Variants in PLS3 observed in about 807,000 individuals in gnomAD.
PLS3 encodes plastin 3.
PLS3 carries 11 observed loss-of-function variants against 46.5 expected under a neutral mutation model. That is an observed-to-expected ratio of 0.24 (90% confidence interval 0.15 to 0.39). The LOEUF (loss-of-function observed/expected upper bound fraction) is 0.39, where lower values mean the gene tolerates loss of function less well. PLS3 is among the 10% of genes least tolerant of loss of function. PLS3 has a pLI of 1.00. For missense variants in PLS3, 308 were observed against 461.8 expected (o/e 0.67, Z 3.05); for synonymous variants, 167 against 162.2 (o/e 1.03, Z -0.22).
chrX:115,645,482 A>AAAAAAGAAAGGT (rs2074942152), intron 11 of PLS3, among the ~76,000 whole-genome samples: 3 of 110,710 alleles, frequency 2.7e-5, no homozygotes. Context: ...TAAGAGGGAA[A>AAAAAAGAAAGGT]AAAAAAGAAA....
At chrX:115,573,816 G>A (rs782206672) in intron 1 of PLS3, among the ~76,000 whole-genome samples, 1 of 110,751 alleles carries the variant, frequency 9.0e-6, no homozygotes, top group Non-Finnish European at 1.9e-5. Context: ...CAATTCTCCC[G>A]CCTCAGCCTC....
At chrX:115,627,863 T>C (rs782437326) in intron 3 of PLS3, among the ~76,000 whole-genome samples, 10 of 112,197 alleles carry the variant, frequency 8.9e-5, no homozygotes, top group African/African-American at 2.6e-4. Context: ...TTTTGTAAAA[T>C]TTAAGTGCTT....
chrX:115,649,438 G>A lies in PLS3; in HGVS notation c.1770G>A (p.Val590=). 1 of 1,206,298 alleles carries A rather than the reference G, an allele frequency of 8.3e-7. No homozygotes were observed. The highest frequency in any genetic ancestry group is 1.1e-6 in the Non-Finnish European group (1 of 891,802). Residue 590 remains valine (V), a synonymous_variant, in exon 16 of 16, where the codon GTG becomes GTA. Coordinates refer to ENST00000355899, the MANE Select transcript of PLS3 (RefSeq NM_005032.7). ...DDKHNNAKYA[V]SMARRIGARV... Reference sequence around the variant, plus strand: ...TTTCCCCCTAAAATAGGTATGCAGTGTCAATGGCTAGAAGAATCGGAGCCA... The same window carrying A: ...TTTCCCCCTAAAATAGGTATGCAGTATCAATGGCTAGAAGAATCGGAGCCA...
rs1344874001 is a variant in PLS3 at position 115,619,492 on chromosome X, C to G, written c.74-2754C>G. The stretch of plus-strand genomic sequence containing the variant: ...TTTTGCCTCAGTGCCATGGGGATTA[C>G]TTTGTTCTTTTTAGCAACTGCAGAC... On this transcript the variant is annotated intron_variant, in intron 2 of 15. Coordinates refer to ENST00000355899, the MANE Select transcript of PLS3 (RefSeq NM_005032.7). Among the ~76,000 whole-genome samples, 35 of 112,311 alleles carry G rather than the reference C, an allele frequency of 3.1e-4. No individual in the cohort carries two copies. The Admixed American group carries it at 3.3e-3, about 11-fold the overall frequency.
chrX:115,595,496 G>A (rs187791234), intron 1 of PLS3, among the ~76,000 whole-genome samples: 1 of 109,935 alleles, frequency 9.1e-6, no homozygotes, highest in Non-Finnish European at 1.9e-5. Flanking sequence ...AGGGAAGGAG[G>A]GAGGGAGAAG....
rs182340809 is a variant in PLS3 at position 115,622,815 on chromosome X, A to G, written c.237+406A>G. On this transcript the variant is annotated intron_variant, in intron 3 of 15. Coordinates refer to ENST00000355899, the MANE Select transcript of PLS3 (RefSeq NM_005032.7). Reference sequence around the variant, plus strand: ...CAGTCTCGGAAGCTTCCTGAGCTGAACTTTCTCATTAAAAAGTTGTTTTCC... The same window carrying G: ...CAGTCTCGGAAGCTTCCTGAGCTGAGCTTTCTCATTAAAAAGTTGTTTTCC... 8.1e-5 allele frequency among the ~76,000 whole-genome samples: 9 copies of G among 111,561 alleles called. No individual in the cohort carries two copies. In the East Asian group the frequency reaches 2.3e-3, roughly 28 times the overall value.
At chrX:115,639,981 T>C in intron 8 of PLS3, 1 of 465,347 alleles carries the variant, frequency 2.1e-6, no homozygotes, top group Non-Finnish European at 3.7e-6. Flanking sequence ...ACATAGCTAA[T>C]CTCTTCTTCG....
Position 115,611,942 on chromosome X carries a change from C to T in PLS3, c.73+1619C>T, listed in dbSNP as rs5987755. Among the ~76,000 whole-genome samples, 386 of 111,293 alleles carry T rather than the reference C, an allele frequency of 3.5e-3. 1 individual carries two copies. Among genetic ancestry groups the T allele is most frequent in the Middle Eastern group, 0.014 (3 of 216 alleles). ...TTGTTTAAGTAGAGTTTAAGATAGG[C>T]GTACAGTTTGCCAAAGCCCCTGCCA... is the stretch of plus-strand genomic sequence containing the variant. On this transcript the variant is annotated intron_variant, in intron 2 of 15. Transcript: ENST00000355899.
intron 2 of PLS3, among the ~76,000 whole-genome samples, chrX:115,621,143 A>G (rs1451374004): frequency 6.4e-5 from 7 of 110,075 alleles, no homozygotes; most frequent in Admixed American, 5.8e-4. Flanking sequence ...CCTCCCGAGT[A>G]GCTGAGATTA....
chrX:115,620,706 C>CTTTTTTTTTTTTTTTTTTTT (rs1176959674), intron 2 of PLS3, among the ~76,000 whole-genome samples: 3 of 54,732 alleles, frequency 5.5e-5, no homozygotes, highest in Admixed American at 2.6e-4. Flanking sequence ...TTTTTCTTTT[C>CTTTTTTTTTTTTTTTTTTTT]TTTTTTTTTT....
chrX:115,595,692 T>C (rs1227029495), intron 1 of PLS3, among the ~76,000 whole-genome samples: 102 of 96,240 alleles, frequency 1.1e-3, no homozygotes, highest in African/African-American at 3.8e-3. Flanking sequence ...TCTTTCTTTT[T>C]TTTTTTTTTT....
At chrX:115,577,982 C>T (rs991058493) in intron 1 of PLS3, among the ~76,000 whole-genome samples, 5 of 111,711 alleles carry the variant, frequency 4.5e-5, no homozygotes, top group African/African-American at 1.6e-4. Context: ...CAAAAATCAC[C>T]GTCTTTATGA....
rs782353973 is a variant in PLS3, at chrX:115,621,816, A to G, written c.74-430A>G. ...AGGTGTACTTTGAAACAGAATCAGC[A>G]TTAAGTTCATATAAGTTCTTTTTGG... On this transcript the variant is annotated intron_variant, in intron 2 of 15. Transcript: ENST00000355899. 6.2e-5 allele frequency among the ~76,000 whole-genome samples: 7 copies of G among 112,277 alleles called. No individual in the cohort carries two copies. In the South Asian group the frequency reaches 2.6e-3, roughly 42 times the overall value.
intron 1 of PLS3, among the ~76,000 whole-genome samples, chrX:115,568,831 C>G (rs185988849): frequency 2.6e-3 from 288 of 111,615 alleles, no homozygotes; most frequent in Admixed American, 3.6e-3. Context: ...GTCAGGAGTT[C>G]AAGACCAGCC....
intron 1 of PLS3, chrX:115,593,569 C>T (rs1277688323): frequency 1.0e-4 from 11 of 110,407 alleles, no homozygotes; most frequent in Non-Finnish European, 1.9e-4. Context: ...CTCTTCTGGG[C>T]GTGGGAGAAG....
chrX:115,647,989 A>G lies in PLS3; in HGVS notation c.1732A>G (p.Thr578Ala), dbSNP rs149142111. ...NYDLVKSGNL[T>A]EDDKHNNAKY... ...TGACCTTGTGAAGAGTGGCAATCTA[A>G]CAGAAGATGACAAGCACAATAATGC... Residue 578 changes from threonine (T) to alanine (A), a missense_variant, in exon 15 of 16, where the codon ACA becomes GCA. By Grantham distance (58) the Thr-to-Ala change is moderately conservative (BLOSUM62 0). Around this residue, in one of 2 missense-constraint regions of PLS3, gnomAD observed 271 missense variants for 435.7 expected, o/e 0.62. Coordinates refer to ENST00000355899, the MANE Select transcript of PLS3 (RefSeq NM_005032.7). 6.0e-5 allele frequency: 72 copies of G among 1,202,037 alleles called. No individual in the cohort carries two copies. The East Asian group carries it at 1.2e-3, about 21-fold the overall frequency.
intron 5 of PLS3, among the ~76,000 whole-genome samples, chrX:115,632,263 T>C (rs1344158758): frequency 9.0e-6 from 1 of 111,343 alleles, no homozygotes; most frequent in East Asian, 2.8e-4. Flanking sequence ...TGGCTTTCTT[T>C]CTGTAGAAAA....
intron 1 of PLS3, among the ~76,000 whole-genome samples, chrX:115,568,219 C>T (rs781912229): frequency 9.0e-6 from 1 of 111,325 alleles, no homozygotes; most frequent in Non-Finnish European, 1.9e-5. Context: ...CGAAATTGTC[C>T]CTAGAGCACA....
chrX:115,612,702 G>A (rs2147494474), intron 2 of PLS3, among the ~76,000 whole-genome samples: 1 of 111,376 alleles, frequency 9.0e-6, no homozygotes, highest in East Asian at 2.8e-4. Flanking sequence ...TGTAATTACT[G>A]CTAATCATAG....
Sources: gnomAD v4.1 joint callset for allele counts (sites outside exome capture counted in the v4.1 genomes callset) on GRCh38, gnomAD v4.1.1 for gene constraint, gnomAD v4.1.1 regional missense constraint, MANE v1.5 for transcripts, NCBI Gene and HGNC (gene_info 2026-07-23, HGNC 2026-07-21) for gene names.